GRB7: variants seen among roughly 807,000 people sequenced by gnomAD.
GRB7 encodes the protein growth factor receptor bound protein 7, also known as growth factor receptor-bound protein 7.
Under a neutral mutation model 64.1 loss-of-function variants are expected in GRB7, and 47 were observed. That is an observed-to-expected ratio of 0.73 (90% confidence interval 0.58 to 0.94). The LOEUF (loss-of-function observed/expected upper bound fraction) is 0.94. GRB7 is among the 40% of genes least tolerant of loss of function. The probability of loss-of-function intolerance (pLI) is 0.00; values close to 1 mark genes in which losing one functional copy is unlikely to be tolerated. For missense variants in GRB7, 634 were observed against 718.4 expected (o/e 0.88, Z 1.34); for synonymous variants, 277 against 279.9 (o/e 0.99, Z 0.10).
At chr17:39,744,046 C>G (rs1339482619) in intron 6 of GRB7, 24 bp from the exon 7 acceptor site, 1 of 1,613,630 alleles carries the variant, frequency 6.2e-7, no homozygotes, top group East Asian at 2.2e-5. Context: ...ACCTGTCACT[C>G]TCCTCTGCTC....
At chr17:39,741,756 A>G (rs984185881) in intron 1 of GRB7, among the ~76,000 whole-genome samples, 10 of 151,856 alleles carry the variant, frequency 6.6e-5, no homozygotes, top group Non-Finnish European at 2.9e-5. Context: ...GTGGTGGCTT[A>G]CGCCTGTAAT....
At chr17:39,746,493 T>C (rs543756499) in intron 14 of GRB7, among the ~76,000 whole-genome samples, 1 of 152,022 alleles carries the variant, frequency 6.6e-6, no homozygotes, top group Admixed American at 6.5e-5. Context: ...GGTGCACACC[T>C]GTAGTCCAGC....
chr17:39,745,151 C>T, intron 9 of GRB7, 92 bp from the exon 10 acceptor site: 2 of 1,235,760 alleles, frequency 1.6e-6, no homozygotes, highest in Non-Finnish European at 2.3e-6. Context: ...AAACACAGCC[C>T]TGGTCTGGGC....
chr17:39,742,338 T>A lies in GRB7; in HGVS notation c.37T>A (p.Ser13Thr). The A allele has an allele frequency of 6.2e-7, 1 of 1,614,002 alleles. No individual in the cohort carries two copies. The highest frequency in any genetic ancestry group is 1.1e-5 in the South Asian group (1 of 91,082). The change falls in exon 2 of 15, where the codon TCT becomes ACT. Residue 13 changes from serine (S) to threonine (T), a missense_variant. Around this residue, in one of 2 missense-constraint regions of GRB7, gnomAD observed 167 missense variants for 141.9 expected, o/e 1.18. Coordinates refer to ENST00000309156, the MANE Select transcript of GRB7 (RefSeq NM_005310.5). Reference protein sequence around the residue: ...LDLSPPHLSSSPEDLCPAPGT... With the variant: ...LDLSPPHLSSTPEDLCPAPGT... ...TCTGTCTCCACCTCATCTTAGCAGC[T>A]CTCCGGAAGACCTTTGCCCAGCCCC...
intron 2 of GRB7, 31 bp downstream of exon 2, chr17:39,742,487 C>T: frequency 6.2e-7 from 1 of 1,612,638 alleles, no homozygotes; most frequent in South Asian, 1.1e-5. Context: ...TGGGGGAGGT[C>T]AGTGCTGGAT....
Position 39,742,349 on chromosome 17 carries a change from C to T in GRB7, c.48C>T (p.Asp16=), listed in dbSNP as rs755446405. Residue 16 remains aspartate, a synonymous_variant, in exon 2 of 15, where the codon GAC becomes GAT. Transcript: ENST00000309156. The part of the protein sequence containing the change: ...SPPHLSSSPE[D]LCPAPGTPPG... ...CTCATCTTAGCAGCTCTCCGGAAGA[C>T]CTTTGCCCAGCCCCTGGGACCCCTC... The T allele has an allele frequency of 4.3e-6, 7 of 1,613,930 alleles. No homozygotes were observed. The East Asian group carries it at 1.6e-4, about 36-fold the overall frequency.
chr17:39,742,969 CGTGTGTGAAATGCTG>C lies in GRB7; in HGVS notation c.382_396del (p.Cys128_Val132del). ...TGGCAGCAGGTGCCACAGCTCGCCA[CGTGTGTGAAATGCTG>C]GTGCAGCGAGCTCACGCCTTGAGCG... On this transcript the variant is annotated inframe_deletion, in exon 4 of 15. Coordinates refer to ENST00000309156, the MANE Select transcript of GRB7 (RefSeq NM_005310.5). The C allele has an allele frequency of 3.1e-6, 5 of 1,613,372 alleles. No homozygotes were observed. The South Asian group carries it at 5.5e-5, about 18-fold the overall frequency.
intron 7 of GRB7, 140 bp downstream of exon 7, chr17:39,744,347 C>T (rs992953341): frequency 6.6e-6 from 7 of 1,062,050 alleles, no homozygotes; most frequent in Non-Finnish European, 7.0e-6. Context: ...TCTCTCCCTA[C>T]ATCCTTGCCT....
At position 39,743,297 on chromosome 17, in the gene GRB7, C is replaced by T; in HGVS notation, c.581C>T (p.Ser194Phe). ...GCCAAGTACGAACTGTTCAAGAGCT[C>T]CCCAGTGAGTGCATGAGGGCTGTCT... is the stretch of plus-strand genomic sequence containing the variant. The part of the protein sequence containing the change: ...NFAKYELFKS[S>F]PHSLFPEKMV... Residue 194 changes from serine to phenylalanine, a missense_variant, in exon 5 of 15, where the codon TCC becomes TTC. Coordinates refer to ENST00000309156, the MANE Select transcript of GRB7 (RefSeq NM_005310.5). The T allele has an allele frequency of 6.2e-7, 1 of 1,614,178 alleles. No homozygotes were observed.
intron 1 of GRB7, among the ~76,000 whole-genome samples, chr17:39,740,642 C>CT (rs1025710544): frequency 0.069 from 5 of 72 alleles, no homozygotes; most frequent in Admixed American, 0.17. Flanking sequence ...GAGCCTCAGG[C>CT]CCACATCCTC....
intron 1 of GRB7, among the ~76,000 whole-genome samples, chr17:39,740,450 AC>A (rs1485243395): frequency 1.3e-5 from 2 of 152,162 alleles, no homozygotes; most frequent in African/African-American, 2.4e-5. Context: ...GGGGAGGGGC[AC>A]CGCCGGGATG....
rs371080159 is a variant in GRB7 at position 39,742,398 on chromosome 17, A to C, written c.97A>C (p.Thr33Pro). ...TPPGTPRPPDTPLPEEVKRSQ... is the reference protein window; with the variant it reads ...TPPGTPRPPDPPLPEEVKRSQ... ...TCCTGGGACTCCCCGGCCCCCTGATACCCCTCTGCCTGAGGAGGTAAAGAG... is the reference window on the plus strand; with the variant it reads ...TCCTGGGACTCCCCGGCCCCCTGATCCCCCTCTGCCTGAGGAGGTAAAGAG... The change falls in exon 2 of 15, where the codon ACC becomes CCC. Residue 33 changes from threonine to proline, a missense_variant. By Grantham distance (38) the Thr-to-Pro change is conservative (BLOSUM62 -1). Around this residue, in one of 2 missense-constraint regions of GRB7, gnomAD observed 167 missense variants for 141.9 expected, o/e 1.18. Transcript: ENST00000309156. The C allele has an allele frequency of 1.2e-6, 2 of 1,613,276 alleles. No homozygotes were observed.
chr17:39,744,718 C>A, intron 8 of GRB7, 55 bp downstream of exon 8: 2 of 1,467,846 alleles, frequency 1.4e-6, no homozygotes, highest in South Asian at 2.4e-5. Context: ...ACTGCTCAGG[C>A]CCCTGGATCC....
In GRB7 at chr17:39,742,711, C is replaced by G; in HGVS notation, c.301C>G (p.Pro101Ala). 4 of 1,557,922 alleles carry G rather than the reference C, an allele frequency of 2.6e-6. No individual in the cohort carries two copies. Among genetic ancestry groups the G allele is most frequent in the Non-Finnish European group, 3.5e-6 (4 of 1,152,382 alleles). The stretch of plus-strand genomic sequence containing the variant: ...GCTGCTCCCCCGCGATGCCAGCCGC[C>G]CCCATGTGAGTTGTCCCTCAGAAGG... ...RGLLPRDASRPHVVKVYSEDG... is the reference protein window; with the variant it reads ...RGLLPRDASRAHVVKVYSEDG... The change falls in exon 3 of 15, where the codon CCC becomes GCC. Residue 101 changes from proline (P) to alanine (A), a missense_variant. Pro to Ala is a conservative substitution (Grantham distance 27). This residue lies in a region of GRB7 where 167 missense variants were observed against 141.9 expected (regional missense o/e 1.18). Coordinates refer to ENST00000309156, the MANE Select transcript of GRB7 (RefSeq NM_005310.5).
rs2060054439 is a variant in GRB7, at chr17:39,747,001, G to A, written c.*104G>A. The A allele has an allele frequency of 1.6e-6, 2 of 1,283,202 alleles. No homozygotes were observed. Among genetic ancestry groups the A allele is most frequent in the Non-Finnish European group, 2.1e-6 (2 of 935,516 alleles). 79.5% of individuals were successfully genotyped at this position (1,283,202 alleles called of 1,614,324 possible). ...GCGCGGCCACAGGGGACGGGATGAG[G>A]AGCGGGAGGGTTCCGCCACTCCAGT... On this transcript the variant is annotated 3_prime_UTR_variant, in exon 15 of 15. Coordinates refer to ENST00000309156, the MANE Select transcript of GRB7 (RefSeq NM_005310.5).
At chr17:39,744,350 C>A in intron 7 of GRB7, 143 bp downstream of exon 7, 1 of 1,027,144 alleles carries the variant, frequency 9.7e-7, no homozygotes, top group Non-Finnish European at 1.5e-6. Flanking sequence ...CTCCCTACAT[C>A]CTTGCCTAGC....
intron 1 of GRB7, among the ~76,000 whole-genome samples, chr17:39,741,243 T>A (rs1307835764): frequency 6.6e-6 from 1 of 152,064 alleles, no homozygotes; most frequent in Non-Finnish European, 1.5e-5. Flanking sequence ...AGTCATTCAG[T>A]CTGAATGTGG....
intron 14 of GRB7, 84 bp downstream of exon 14, chr17:39,746,286 G>A: frequency 9.0e-7 from 1 of 1,112,146 alleles, no homozygotes; most frequent in Non-Finnish European, 1.4e-6. Context: ...CCCTCCAGAG[G>A]CTCCCTGGCC....
intron 13 of GRB7, 37 bp from the exon 14 acceptor site, chr17:39,746,072 G>A: frequency 1.2e-6 from 2 of 1,611,290 alleles, no homozygotes; most frequent in East Asian, 2.2e-5. Context: ...CATGGTCCTT[G>A]GGTAGTAATG....
Sources: allele counts gnomAD v4.1 joint callset (sites outside exome capture counted in the v4.1 genomes callset), GRCh38; gene constraint gnomAD v4.1.1; regional missense constraint gnomAD v4.1.1; transcripts MANE v1.5; gene names NCBI Gene and HGNC (gene_info 2026-07-23, HGNC 2026-07-21).